PAQR5: variants seen among roughly 807,000 people sequenced by gnomAD.
PAQR5 encodes the protein membrane progestin receptor gamma.
Under a neutral mutation model 34.5 loss-of-function variants are expected in PAQR5, and 20 were observed. The ratio of observed to expected loss-of-function variants is 0.58; its 90% CI spans 0.41 to 0.84. PAQR5 has a LOEUF of 0.84. Among genes scored for constraint, PAQR5 ranks in the 40% least tolerant of loss-of-function variants. The probability of loss-of-function intolerance (pLI) is 0.00; values close to 1 mark genes in which losing one functional copy is unlikely to be tolerated. For missense variants in PAQR5, 378 were observed against 412.7 expected (o/e 0.92, Z 0.73); for synonymous variants, 131 against 155.6 (o/e 0.84, Z 1.18).
At chr15:69,378,415 C>T (rs1022535084) in intron 3 of PAQR5, among the ~76,000 whole-genome samples, 2 of 111,574 alleles carry the variant, frequency 1.8e-5, no homozygotes, top group African/African-American at 7.0e-5. Context: ...CCAGCCTGGG[C>T]TTCAGATCAA....
At chr15:69,400,256 A>G in intron 8 of PAQR5, 141 bp downstream of exon 8, 1 of 836,992 alleles carries the variant, frequency 1.2e-6, no homozygotes, top group South Asian at 1.7e-5. Context: ...GCAAGTTGAC[A>G]GAGGTCAGGA....
rs1266420202 is a variant in PAQR5, at chr15:69,404,102, GT to G, written c.*284del. On this transcript the variant is annotated 3_prime_UTR_variant, in exon 9 of 9. Transcript: ENST00000395407. ...TAATTTTAAATTTACTTAAAATGTG[GT>G]TTTAAATTCTATTTAAACATTTGGA... 3 of 342,638 alleles carry G rather than the reference GT, an allele frequency of 8.8e-6. No homozygotes were observed. In the East Asian group the frequency reaches 1.8e-4, roughly 21 times the overall value. The allele number at this position is 342,638 out of a possible 1,614,324, so 21.2% of individuals were successfully genotyped here. A position where few individuals can be genotyped will look rare whatever the true frequency, so the allele number is the denominator to read the frequency against.
intron 3 of PAQR5, among the ~76,000 whole-genome samples, chr15:69,369,034 G>T (rs1255131698): frequency 6.6e-6 from 1 of 152,154 alleles, no homozygotes; most frequent in African/African-American, 2.4e-5. Flanking sequence ...GGCCCCCAAA[G>T]TTTTGGCATT....
At position 69,403,750 on chromosome 15, in the gene PAQR5, CA is replaced by C; in HGVS notation, c.922del (p.Ser308AlafsTer3). On this transcript the variant is annotated frameshift_variant, in exon 9 of 9. Coordinates refer to ENST00000395407, the MANE Select transcript of PAQR5 (RefSeq NM_017705.4). LOFTEE classifies it high-confidence loss of function. ...TACTTCTGTGCATCATCTTCAGCCT[CA>C]GCAACATAATTTATTTCTCAGCTGC... Reference protein sequence around the residue: ...AILLCIIFSLSNIIYFSAALY... With the variant: ...AILLCIIFSLXNIIYFSAALY... The C allele has an allele frequency of 6.2e-7, 1 of 1,614,072 alleles. No individual in the cohort carries two copies. The highest frequency in any genetic ancestry group is 8.5e-7 in the Non-Finnish European group (1 of 1,179,932).
At chr15:69,309,612 A>G (rs925142957) in intron 1 of PAQR5, among the ~76,000 whole-genome samples, 3 of 152,104 alleles carry the variant, frequency 2.0e-5, no homozygotes, top group Admixed American at 6.6e-5. Flanking sequence ...CTCAGAGGCA[A>G]TGTTACCAGT....
At chr15:69,366,788 C>T (rs1296769169) in intron 3 of PAQR5, among the ~76,000 whole-genome samples, 1 of 152,132 alleles carries the variant, frequency 6.6e-6, no homozygotes, top group Non-Finnish European at 1.5e-5. Context: ...AAAAAATCTT[C>T]CACTATGGTG....
chr15:69,315,600 A>G (rs1382879385), intron 1 of PAQR5, among the ~76,000 whole-genome samples: 1 of 152,176 alleles, frequency 6.6e-6, no homozygotes, highest in East Asian at 1.9e-4. Flanking sequence ...GTGCCAAGAA[A>G]TGCAAGGACC....
intron 1 of PAQR5, among the ~76,000 whole-genome samples, chr15:69,324,460 A>G (rs889845134): frequency 2.6e-5 from 4 of 152,196 alleles, no homozygotes; most frequent in African/African-American, 9.7e-5. Context: ...AACTTTTATG[A>G]TCCTCATTCA....
At chr15:69,329,778 A>C (rs1424158328) in intron 1 of PAQR5, among the ~76,000 whole-genome samples, 2 of 152,090 alleles carry the variant, frequency 1.3e-5, no homozygotes, top group Non-Finnish European at 2.9e-5. Context: ...AACCACTGCA[A>C]ACAGCCTCAA....
rs757203303 is a variant in PAQR5, at chr15:69,300,649, CT to C, written c.-277+1597del. ...TCTTTCTTTCTTTCTTTCTTTCTTT[CT>C]TTTCTTTCTTTCTTTCATTCTTTCT... On this transcript the variant is annotated intron_variant, in intron 1 of 8. Transcript: ENST00000395407. Among the ~76,000 whole-genome samples the C allele has an allele frequency of 4.7e-3, 81 of 17,278 alleles. 4 individuals are homozygous for C. Among genetic ancestry groups the C allele is most frequent in the African/African-American group, 8.3e-3 (58 of 6,976 alleles). The allele number at this position is 17,278 out of a possible 152,430, so 11.3% of individuals were successfully genotyped here.
intron 7 of PAQR5, 111 bp downstream of exon 7, chr15:69,397,675 A>AGGAGTC (rs1440300976): frequency 1.3e-6 from 1 of 772,342 alleles, no homozygotes; most frequent in African/African-American, 1.7e-5. Context: ...AGAACAAAAC[A>AGGAGTC]GGAGTCGAGA....
At chr15:69,352,884 C>G (rs2054959698) in intron 2 of PAQR5, among the ~76,000 whole-genome samples, 1 of 152,182 alleles carries the variant, frequency 6.6e-6, no homozygotes, top group Non-Finnish European at 1.5e-5. Context: ...GGATGGACCT[C>G]TCTGATTGGG....
At chr15:69,363,375 C>T (rs763173802) in intron 3 of PAQR5, among the ~76,000 whole-genome samples, 2 of 151,976 alleles carry the variant, frequency 1.3e-5, no homozygotes, top group Non-Finnish European at 2.9e-5. Flanking sequence ...AAGATGTGAA[C>T]AAAACCTCAA....
At chr15:69,344,488 A>C (rs1223953206) in intron 2 of PAQR5, among the ~76,000 whole-genome samples, 1 of 152,230 alleles carries the variant, frequency 6.6e-6, no homozygotes, top group Non-Finnish European at 1.5e-5. Flanking sequence ...GTGTGAGTTT[A>C]TGATTTGTCT....
At chr15:69,319,066 G>A (rs56122051) in intron 1 of PAQR5, among the ~76,000 whole-genome samples, 50,938 of 149,836 alleles carry the variant, frequency 0.34, 8,764 homozygotes, top group African/African-American at 0.4. Context: ...CCCAGGAGGC[G>A]GAGGTTGCAG....
chr15:69,302,254 G>A (rs1003245594), intron 1 of PAQR5, among the ~76,000 whole-genome samples: 2 of 151,982 alleles, frequency 1.3e-5, no homozygotes, highest in Non-Finnish European at 2.9e-5. Context: ...TGTATTTTTT[G>A]TAGAGGTGGG....
At chr15:69,375,412 G>A (rs971996301) in intron 3 of PAQR5, among the ~76,000 whole-genome samples, 1 of 152,150 alleles carries the variant, frequency 6.6e-6, no homozygotes, top group Non-Finnish European at 1.5e-5. Context: ...AGGTCCTGGA[G>A]GTTAGGACTT....
intron 2 of PAQR5, among the ~76,000 whole-genome samples, chr15:69,351,770 C>T (rs910061026): frequency 2.6e-5 from 4 of 152,128 alleles, no homozygotes; most frequent in African/African-American, 7.2e-5. Flanking sequence ...AATTCAGGGG[C>T]CTTCTACCTC....
At chr15:69,394,634 C>T (rs1343517321) in intron 6 of PAQR5, among the ~76,000 whole-genome samples, 1 of 152,210 alleles carries the variant, frequency 6.6e-6, no homozygotes, top group Non-Finnish European at 1.5e-5. Context: ...TCCTGCCAAC[C>T]TCGTTCTGAG....
Sources: allele counts gnomAD v4.1 joint callset (sites outside exome capture counted in the v4.1 genomes callset), GRCh38; gene constraint gnomAD v4.1.1; transcripts MANE v1.5; gene names NCBI Gene and HGNC (gene_info 2026-07-23, HGNC 2026-07-21).